The following SASH1 variants were observed in gnomAD, a reference collection of about 807,000 sequenced individuals.
SASH1 encodes SAM and SH3 domain-containing protein 1.
SASH1 carries 44 observed loss-of-function variants against 125.2 expected under a neutral mutation model. The observed-to-expected ratio is 0.35, with a 90% CI of 0.28 to 0.45. The LOEUF (loss-of-function observed/expected upper bound fraction) is 0.45, where lower values mean the gene tolerates loss of function less well. SASH1 is among the 20% of genes least tolerant of loss of function. The pLI is 1.00. For synonymous variants in SASH1, 639 were observed against 649.1 expected, an observed-to-expected ratio of 0.98 and a Z score of 0.24; for missense variants, 1,426 against 1,614.5, an observed-to-expected ratio of 0.88 and a Z score of 2.00.
intron 2 of SASH1, among the ~76,000 whole-genome samples, chr6:148,429,287 G>A (rs555437729): frequency 6.6e-6 from 1 of 151,380 alleles, no homozygotes; most frequent in South Asian, 2.1e-4. Flanking sequence ...CCAGGAGGCT[G>A]AGGCAGGAGG....
At chr6:148,481,938 C>T (rs199728102) in intron 7 of SASH1, among the ~76,000 whole-genome samples, 62 of 152,288 alleles carry the variant, frequency 4.1e-4, no homozygotes, top group African/African-American at 1.4e-3. Context: ...AATGCAGTTT[C>T]TGTGATGTGC....
intron 1 of SASH1, among the ~76,000 whole-genome samples, chr6:148,357,508 C>T (rs9377130): frequency 0.44 from 67,442 of 151,892 alleles, 15,024 homozygotes; most frequent in South Asian, 0.49. Context: ...CTGGGTTTTC[C>T]CAGTTTCCAC....
intron 1 of SASH1, among the ~76,000 whole-genome samples, chr6:148,349,241 CTTCTTTCTTTCTTTTTTTTTT>C (rs1357081737): frequency 1.1e-4 from 10 of 87,102 alleles, no homozygotes; most frequent in African/African-American, 2.4e-4. Context: ...TTCATTCTTT[CTTCTTTCTTTCTTTTTTTTTT>C]TTTTTTTTTT....
chr6:148,490,359 C>G (rs945473690), intron 8 of SASH1, among the ~76,000 whole-genome samples: 2 of 152,092 alleles, frequency 1.3e-5, no homozygotes, highest in Non-Finnish European at 2.9e-5. Flanking sequence ...AAGGTGTGCA[C>G]TCCCGCACTC....
chr6:148,356,406 G>T (rs1781937697), intron 1 of SASH1, among the ~76,000 whole-genome samples: 1 of 150,880 alleles, frequency 6.6e-6, no homozygotes, highest in Non-Finnish European at 1.5e-5. Context: ...CTGTGCAAGT[G>T]TCTTTTTCAT....
the SASH1 span, among the ~76,000 whole-genome samples, chr6:148,231,692 T>C: frequency 5.3e-5 from 8 of 152,124 alleles, no homozygotes; most frequent in Non-Finnish European, 1.2e-4. Context: ...GTTAAAATGA[T>C]AGAAAGGTGA....
At chr6:148,449,078 C>CTTTTTTTTTTTTTTTTTTTTTCTTTTTTT in intron 4 of SASH1, among the ~76,000 whole-genome samples, 6 of 88,732 alleles carry the variant, frequency 6.8e-5, no homozygotes, top group Non-Finnish European at 1.2e-4. Context: ...CATTTCATTT[C>CTTTTTTTTTTTTTTTTTTTTTCTTTTTTT]TTTTTTTTTT....
At chr6:148,253,386 T>G in the SASH1 span, among the ~76,000 whole-genome samples, 6 of 152,168 alleles carry the variant, frequency 3.9e-5, no homozygotes, top group South Asian at 1.2e-3. Context: ...GCTGGACCCC[T>G]ACCTTACACT....
intron 4 of SASH1, among the ~76,000 whole-genome samples, chr6:148,446,324 G>A (rs1181055062): frequency 6.6e-6 from 1 of 151,838 alleles, no homozygotes; most frequent in Non-Finnish European, 1.5e-5. Flanking sequence ...TAGCCAGGAT[G>A]GTCTTGATCT....
chr6:148,277,996 T>C (rs1436940613), intron 1 of SASH1, among the ~76,000 whole-genome samples: 1 of 152,042 alleles, frequency 6.6e-6, no homozygotes, highest in Non-Finnish European at 1.5e-5. Flanking sequence ...ATTGCAGGCG[T>C]GAGCCACTGC....
chr6:148,233,660 C>A, the SASH1 span, among the ~76,000 whole-genome samples: 1 of 141,064 alleles, frequency 7.1e-6, no homozygotes, highest in Non-Finnish European at 1.5e-5. Flanking sequence ...TTTGGGAGGC[C>A]AAAGAGGGAG....
chr6:148,313,774 C>T (rs1277007460), intron 1 of SASH1, among the ~76,000 whole-genome samples: 1 of 152,172 alleles, frequency 6.6e-6, no homozygotes, highest in African/African-American at 2.4e-5. Flanking sequence ...ATACTGCTAC[C>T]TGCTCCTTCT....
At chr6:148,387,246 T>C (rs1310912504) in intron 1 of SASH1, among the ~76,000 whole-genome samples, 1 of 151,600 alleles carries the variant, frequency 6.6e-6, no homozygotes, top group African/African-American at 2.4e-5. Context: ...GGCTCCAAAG[T>C]AGCTGGGACT....
In SASH1 at chr6:148,534,733, TC is replaced by T. The variant is rs1333125656; in HGVS notation, c.1945-16del. 2.5e-6 allele frequency: 4 copies of T among 1,613,984 alleles called. No individual in the cohort carries two copies. Among genetic ancestry groups the T allele is most frequent in the Non-Finnish European group, 3.4e-6 (4 of 1,179,972 alleles). On this transcript the variant is annotated splice_polypyrimidine_tract_variant and intron_variant, in intron 15 of 19. Transcript: ENST00000367467. The stretch of plus-strand genomic sequence containing the variant: ...TGGGCTGGCTGACACCCTTCTGTCT[TC>T]CTTCTCCCTCTCACAGGAGCACATG...
intron 4 of SASH1, among the ~76,000 whole-genome samples, chr6:148,443,161 A>G (rs1776619627): frequency 7.9e-6 from 1 of 126,390 alleles, no homozygotes; most frequent in South Asian, 2.4e-4. Context: ...AAAAAAAAAA[A>G]AAAAATGGCT....
At position 148,528,899 on chromosome 6, in the gene SASH1, G is replaced by A. The variant is rs149688515; in HGVS notation, c.1428+1303G>A. On this transcript the variant is annotated intron_variant, in intron 12 of 19. Transcript: ENST00000367467. ...ATAATGTAGAATCAGTGGGAGCCCT[G>A]AGCTTGTTTTCCTGCAACTAGATGA... Among the ~76,000 whole-genome samples, 82 of 152,132 alleles carry A rather than the reference G, an allele frequency of 5.4e-4. No homozygotes were observed. The East Asian group carries it at 0.014, about 27-fold the overall frequency.
chr6:148,263,991 C>T, the SASH1 span, among the ~76,000 whole-genome samples: 21 of 152,054 alleles, frequency 1.4e-4, no homozygotes, highest in Non-Finnish European at 1.5e-5. Flanking sequence ...TCCTAGGTGT[C>T]GTTTTGTTTA....
the SASH1 span, among the ~76,000 whole-genome samples, chr6:148,205,837 G>A: frequency 6.6e-6 from 1 of 152,144 alleles, no homozygotes; most frequent in South Asian, 2.1e-4. Flanking sequence ...ATGGAGCATT[G>A]CTCTCTGATT....
the SASH1 span, among the ~76,000 whole-genome samples, chr6:148,235,464 T>A: frequency 6.6e-6 from 1 of 152,244 alleles, no homozygotes; most frequent in African/African-American, 2.4e-5. Flanking sequence ...TTCAGCATGA[T>A]TATTTTCCAC....
Sources: gnomAD v4.1 joint callset for allele counts (sites outside exome capture counted in the v4.1 genomes callset) on GRCh38, gnomAD v4.1.1 for gene constraint, MANE v1.5 for transcripts, NCBI Gene and HGNC (gene_info 2026-07-23, HGNC 2026-07-21) for gene names.